VPS13D: variants seen among roughly 807,000 people sequenced by gnomAD.
VPS13D encodes intermembrane lipid transfer protein VPS13D.
In VPS13D, 187 loss-of-function variants were observed where a neutral mutation model predicts 461.9. That is an observed-to-expected ratio of 0.40 (90% confidence interval 0.36 to 0.46). The LOEUF (loss-of-function observed/expected upper bound fraction) is 0.46, where lower values mean the gene tolerates loss of function less well. Among genes scored for constraint, VPS13D ranks in the 20% least tolerant of loss-of-function variants. The probability of loss-of-function intolerance (pLI) is 0.60; values close to 1 mark genes in which losing one functional copy is unlikely to be tolerated. For synonymous variants in VPS13D, 1,951 were observed against 1,986.3 expected (o/e 0.98, Z 0.47); for missense variants, 4,711 against 5,364.9 (o/e 0.88, Z 3.81).
At chr1:12,236,352 A>G (rs2101180330) in intron 2 of VPS13D, among the ~76,000 whole-genome samples, 1 of 152,136 alleles carries the variant, frequency 6.6e-6, no homozygotes, top group South Asian at 2.1e-4. Context: ...GTGTTTGGGA[A>G]TAGAGAGGGT....
intron 38 of VPS13D, 141 bp from the exon 39 acceptor site, chr1:12,335,564 C>A: frequency 9.7e-7 from 1 of 1,031,906 alleles, no homozygotes; most frequent in Non-Finnish European, 1.4e-6. Flanking sequence ...CTCTCCAGGG[C>A]ATAGACTTTC....
intron 65 of VPS13D, among the ~76,000 whole-genome samples, chr1:12,447,915 A>C (rs1208964324): frequency 1.3e-5 from 2 of 152,208 alleles, no homozygotes; most frequent in Non-Finnish European, 2.9e-5. Flanking sequence ...CCTTTGTTCC[A>C]GAATGGGCAT....
At chr1:12,405,487 T>C (rs905619998) in intron 63 of VPS13D, among the ~76,000 whole-genome samples, 4 of 152,170 alleles carry the variant, frequency 2.6e-5, no homozygotes, top group East Asian at 1.9e-4. Flanking sequence ...GGTGACAGCA[T>C]TGGGGTGGCA....
At chr1:12,466,893 T>C (rs1645491282) in intron 67 of VPS13D, among the ~76,000 whole-genome samples, 1 of 152,220 alleles carries the variant, frequency 6.6e-6, no homozygotes, top group Non-Finnish European at 1.5e-5. Context: ...CTGTCAAATA[T>C]CTCCTCTGTT....
chr1:12,290,884 G>T, intron 22 of VPS13D, 114 bp from the exon 23 acceptor site: 1 of 1,038,266 alleles, frequency 9.6e-7, no homozygotes, highest in African/African-American at 1.6e-5. Flanking sequence ...TTTGAGGTTT[G>T]ATTACAAAGT....
chr1:12,371,738 T>G (rs1644120971), intron 54 of VPS13D, among the ~76,000 whole-genome samples: 1 of 152,186 alleles, frequency 6.6e-6, no homozygotes, highest in South Asian at 2.1e-4. Flanking sequence ...GGCTGAATAC[T>G]ATGCTGTATA....
In VPS13D at chr1:12,378,575, G is replaced by A; in HGVS notation, c.11065G>A (p.Ala3689Thr). 1 of 1,582,410 alleles carries A rather than the reference G, an allele frequency of 6.3e-7. No homozygotes were observed. The highest frequency in any genetic ancestry group is 8.6e-7 in the Non-Finnish European group (1 of 1,164,782). ...CATCTTAGATATTGCTGGTCTCGCT[G>A]CAGTGACTGACAACAGGTAATTTTC... Reference protein sequence around the residue: ...SAILDIAGLAAVTDNRYEPLM... With the variant: ...SAILDIAGLATVTDNRYEPLM... Residue 3689 changes from alanine (A) to threonine (T), a missense_variant, in exon 56 of 70, where the codon GCA becomes ACA. Physicochemically the swap from Ala to Thr is moderately conservative, Grantham distance 58. Around this residue, in one of 3 missense-constraint regions of VPS13D, gnomAD observed 4,411 missense variants for 4,937.8 expected, o/e 0.89. Coordinates refer to ENST00000620676, the MANE Select transcript of VPS13D (RefSeq NM_015378.4).
intron 2 of VPS13D, 78 bp downstream of exon 2, chr1:12,234,441 C>A: frequency 8.3e-7 from 1 of 1,205,734 alleles, no homozygotes; most frequent in Non-Finnish European, 1.2e-6. Context: ...TCCTGAGAAT[C>A]ATAAAACCTA....
chr1:12,255,888 C>CA lies in VPS13D; in HGVS notation c.670-430dup, dbSNP rs35699803. Among the ~76,000 whole-genome samples the CA allele has an allele frequency of 9.7e-3, 545 of 55,912 alleles. 8 individuals are homozygous for CA. The highest frequency in any genetic ancestry group is 0.03 in the African/African-American group (441 of 14,684). 36.7% of individuals were successfully genotyped at this position (55,912 alleles called of 152,430 possible). The stretch of plus-strand genomic sequence containing the variant: ...CCTGGCAACAGAGCAAGACTCGTCT[C>CA]AAAAAAAAAAAAAAAGAAAGAAAAA... On this transcript the variant is annotated intron_variant, in intron 7 of 69. Transcript: ENST00000620676.
chr1:12,465,946 C>A (rs1176368641), intron 67 of VPS13D, among the ~76,000 whole-genome samples: 1 of 152,032 alleles, frequency 6.6e-6, no homozygotes, highest in Non-Finnish European at 1.5e-5. Flanking sequence ...ACCATTCTGG[C>A]CAACATGTCG....
chr1:12,249,760 C>T (rs1005052512), intron 6 of VPS13D, among the ~76,000 whole-genome samples: 4 of 152,120 alleles, frequency 2.6e-5, no homozygotes, highest in Non-Finnish European at 5.9e-5. Flanking sequence ...CTGCTTGTCT[C>T]AAAACACACT....
At chr1:12,317,998 C>T in intron 30 of VPS13D, 74 bp from the exon 31 acceptor site, 1 of 1,467,160 alleles carries the variant, frequency 6.8e-7, no homozygotes, top group East Asian at 2.3e-5. Flanking sequence ...CAAAACTGAG[C>T]AGTACATTTG....
rs749442765 is a variant in VPS13D at position 12,348,803 on chromosome 1, T to G, written c.9070-20T>G. Reference sequence around the variant, plus strand: ...TTTTTTCAGAAACATAACTATTTTGTCTTTATCGCTCTTTCACAGTTCTCT... The same window carrying G: ...TTTTTTCAGAAACATAACTATTTTGGCTTTATCGCTCTTTCACAGTTCTCT... On this transcript the variant is annotated intron_variant, in intron 44 of 69. Transcript: ENST00000620676. 4 of 1,612,034 alleles carry G rather than the reference T, an allele frequency of 2.5e-6. No individual in the cohort carries two copies. Among genetic ancestry groups the G allele is most frequent in the South Asian group, 1.1e-5 (1 of 91,008 alleles).
rs910161959 is a variant in VPS13D at position 12,359,277 on chromosome 1, G to A, written c.10141+676G>A. Among the ~76,000 whole-genome samples the A allele has an allele frequency of 6.6e-5, 10 of 152,102 alleles. 1 individual carries two copies. The South Asian group carries it at 1.0e-3, about 16-fold the overall frequency. The stretch of plus-strand genomic sequence containing the variant: ...GAATCAGGGTGAAAATTGTAGCAGC[G>A]CATCCTTTCAGTATATAATTTCCCA... On this transcript the variant is annotated intron_variant, in intron 50 of 69. Transcript: ENST00000620676.
At position 12,510,171 on chromosome 1, in the gene VPS13D, T is replaced by A. The variant is rs74324818; in HGVS notation, c.*1147T>A. The A allele has an allele frequency of 0.035, 5,366 of 152,236 alleles. 136 individuals carry two copies. Among genetic ancestry groups the A allele is most frequent in the East Asian group, 0.071 (369 of 5,170 alleles). The allele number at this position is 152,236 out of a possible 1,614,324, so 9.4% of individuals were successfully genotyped here. ...ATGGAACCAAGATTTGACAAAGGCA[T>A]CTCTTATCCTTGGTTTTAAATTCCT... On this transcript the variant is annotated 3_prime_UTR_variant, in exon 70 of 70. Coordinates refer to ENST00000620676, the MANE Select transcript of VPS13D (RefSeq NM_015378.4).
At chr1:12,258,691 T>G (rs1008309332) in intron 10 of VPS13D, among the ~76,000 whole-genome samples, 1 of 152,268 alleles carries the variant, frequency 6.6e-6, no homozygotes, top group African/African-American at 2.4e-5. Flanking sequence ...TATTGGGGAT[T>G]GCTTTGCTTC....
chr1:12,478,743 G>A (rs1012650868), intron 67 of VPS13D: 16 of 453,434 alleles, frequency 3.5e-5, no homozygotes, highest in East Asian at 1.4e-4. Context: ...CCCTCCCCCC[G>A]GCCAGAAACG....
chr1:12,399,181 CT>C (rs1293629050), intron 60 of VPS13D, among the ~76,000 whole-genome samples: 1 of 150,624 alleles, frequency 6.6e-6, no homozygotes, highest in East Asian at 1.9e-4. Flanking sequence ...TAAAAAATTA[CT>C]TTTTTCAAAT....
At chr1:12,445,521 T>C (rs560472955) in intron 65 of VPS13D, among the ~76,000 whole-genome samples, 2 of 152,296 alleles carry the variant, frequency 1.3e-5, no homozygotes, top group African/African-American at 4.8e-5. Flanking sequence ...TTAATGTCCT[T>C]TCCCAGGTCA....
Sources: allele counts gnomAD v4.1 joint callset (sites outside exome capture counted in the v4.1 genomes callset), GRCh38; gene constraint gnomAD v4.1.1; regional missense constraint gnomAD v4.1.1; transcripts MANE v1.5; gene names NCBI Gene and HGNC (gene_info 2026-07-23, HGNC 2026-07-21).